NUBPL: variants seen among roughly 807,000 people sequenced by gnomAD.
The protein encoded by NUBPL is iron-sulfur cluster transfer protein NUBPL.
A neutral mutation model predicts 45.7 loss-of-function variants in NUBPL; 31 were observed. That is an observed-to-expected ratio of 0.68 (90% CI 0.51 to 0.92). NUBPL has a LOEUF of 0.92. Among genes scored for constraint, NUBPL ranks in the 40% least tolerant of loss-of-function variants. The pLI is 0.00. For synonymous variants in NUBPL, 144 were observed against 140.9 expected (o/e 1.02, Z -0.15); for missense variants, 401 against 398.7 (o/e 1.01, Z -0.05).
intron 6 of NUBPL, among the ~76,000 whole-genome samples, chr14:31,763,104 G>A (rs1031001052): frequency 2.0e-5 from 3 of 152,174 alleles, no homozygotes; most frequent in Non-Finnish European, 4.4e-5. Context: ...AGGATGATGG[G>A]AGTGGAAGAG....
chr14:31,759,069 T>TA (rs145974384), intron 6 of NUBPL, among the ~76,000 whole-genome samples: 9,626 of 150,998 alleles, frequency 0.064, 417 homozygotes, highest in Non-Finnish European at 0.092. Flanking sequence ...CTATCGACTT[T>TA]AAAAAAAACA....
intron 6 of NUBPL, among the ~76,000 whole-genome samples, chr14:31,683,445 G>T (rs545392689): frequency 7.7e-6 from 1 of 130,456 alleles, no homozygotes; most frequent in Admixed American, 9.4e-5. Context: ...TGCAACTTCC[G>T]CCTCCTTGGT....
At chr14:31,752,057 T>C (rs770920463) in intron 6 of NUBPL, among the ~76,000 whole-genome samples, 32 of 152,234 alleles carry the variant, frequency 2.1e-4, no homozygotes, top group Non-Finnish European at 4.3e-4. Flanking sequence ...CACAAAACCA[T>C]TTTTCCTTCC....
chr14:31,806,392 A>G (rs1281815161), intron 7 of NUBPL, among the ~76,000 whole-genome samples: 1 of 152,098 alleles, frequency 6.6e-6, no homozygotes, highest in Non-Finnish European at 1.5e-5. Context: ...GTCATGAGCA[A>G]GCTGAGCTAT....
intron 6 of NUBPL, among the ~76,000 whole-genome samples, chr14:31,735,850 T>TCAAAAAAAAAAAAAAA (rs1166189612): frequency 4.6e-5 from 7 of 152,266 alleles, no homozygotes; most frequent in African/African-American, 1.7e-4. Flanking sequence ...AGACTCTGTC[T>TCAAAAAAAAAAAAAAA]TAAAAAAAAT....
chr14:31,728,330 A>G lies in NUBPL; in HGVS notation c.513+54756A>G, dbSNP rs559773243. 1.6e-4 allele frequency among the ~76,000 whole-genome samples: 24 copies of G among 152,024 alleles called. 1 individual carries two copies. In the East Asian group the frequency reaches 4.6e-3, roughly 29 times the overall value. Reference sequence around the variant, plus strand: ...TTTATTTATTATTATTATTATTGTTAAAATAGAGACAAGATCTCGCTACAT... The same window carrying G: ...TTTATTTATTATTATTATTATTGTTGAAATAGAGACAAGATCTCGCTACAT... On this transcript the variant is annotated intron_variant, in intron 6 of 10. Transcript: ENST00000281081.
At chr14:31,641,417 T>G (rs1048934849) in intron 4 of NUBPL, among the ~76,000 whole-genome samples, 2 of 152,186 alleles carry the variant, frequency 1.3e-5, no homozygotes, top group African/African-American at 2.4e-5. Flanking sequence ...CATATGAGTC[T>G]GAACATGTGA....
chr14:31,741,273 C>T (rs2038278833), intron 6 of NUBPL, among the ~76,000 whole-genome samples: 2 of 152,104 alleles, frequency 1.3e-5, no homozygotes, highest in African/African-American at 2.4e-5. Context: ...ATTCTGTAGT[C>T]CTATGAGTAC....
chr14:31,786,270 G>A (rs1050407327), intron 6 of NUBPL, among the ~76,000 whole-genome samples: 3 of 152,214 alleles, frequency 2.0e-5, no homozygotes, highest in Middle Eastern at 3.4e-3. Flanking sequence ...TTCCACTTAG[G>A]TTTAAAAAAA....
At chr14:31,708,834 T>TG (rs2037509167) in intron 6 of NUBPL, among the ~76,000 whole-genome samples, 1 of 152,216 alleles carries the variant, frequency 6.6e-6, no homozygotes, top group Non-Finnish European at 1.5e-5. Flanking sequence ...CTTTGTTCTC[T>TG]GGGGCAGTGC....
intron 6 of NUBPL, among the ~76,000 whole-genome samples, chr14:31,734,587 T>A (rs11156704): frequency 0.3 from 44,945 of 152,010 alleles, 7,507 homozygotes; most frequent in South Asian, 0.41. Context: ...AGTTTCATAT[T>A]TCATAAATTT....
chr14:31,726,873 G>T (rs1487759366), intron 6 of NUBPL, among the ~76,000 whole-genome samples: 1 of 152,152 alleles, frequency 6.6e-6, no homozygotes, highest in Admixed American at 6.5e-5. Context: ...AGCTGATGAT[G>T]CTTTGTCTTG....
At position 31,846,595 on chromosome 14, in the gene NUBPL, A is replaced by G; in HGVS notation, c.814+4A>G. On this transcript the variant is annotated splice_donor_region_variant and intron_variant, in intron 9 of 10. Coordinates refer to ENST00000281081, the MANE Select transcript of NUBPL (RefSeq NM_025152.3). ...ACCCTTGGTCTTGAAGTTCTAGGTA[A>G]GACTGTGGGATGTTCTTTTGTAGAA... The G allele has an allele frequency of 6.2e-7, 1 of 1,613,480 alleles. No individual in the cohort carries two copies. Among genetic ancestry groups the G allele is most frequent in the Non-Finnish European group, 8.5e-7 (1 of 1,179,786 alleles).
At chr14:31,674,077 C>T (rs2036636614) in intron 6 of NUBPL, among the ~76,000 whole-genome samples, 3 of 152,088 alleles carry the variant, frequency 2.0e-5, no homozygotes, top group Admixed American at 2.0e-4. Flanking sequence ...TTAATTTAGC[C>T]TTAAGAAAAG....
chr14:31,793,834 T>TTTTA (rs1566565035), intron 7 of NUBPL, among the ~76,000 whole-genome samples: 3 of 129,424 alleles, frequency 2.3e-5, no homozygotes, highest in Non-Finnish European at 4.5e-5. Context: ...CTTTCTTTTT[T>TTTTA]TTTTTTATTT....
At chr14:31,773,052 A>G (rs920577756) in intron 6 of NUBPL, among the ~76,000 whole-genome samples, 3 of 152,166 alleles carry the variant, frequency 2.0e-5, no homozygotes, top group African/African-American at 7.2e-5. Flanking sequence ...TGTTTATTGT[A>G]TATTGTATCA....
At chr14:31,604,252 T>G (rs1238977846) in intron 4 of NUBPL, among the ~76,000 whole-genome samples, 1 of 151,780 alleles carries the variant, frequency 6.6e-6, no homozygotes, top group Non-Finnish European at 1.5e-5. Context: ...ACTGAATGAT[T>G]AAGGCGTTCA....
At chr14:31,773,953 A>G (rs2039054269) in intron 6 of NUBPL, among the ~76,000 whole-genome samples, 1 of 152,206 alleles carries the variant, frequency 6.6e-6, no homozygotes, top group African/African-American at 2.4e-5. Context: ...GCATATTCCA[A>G]CCACCATATG....
chr14:31,636,997 C>G (rs1246715648), intron 4 of NUBPL, among the ~76,000 whole-genome samples: 2 of 152,032 alleles, frequency 1.3e-5, no homozygotes, highest in Non-Finnish European at 2.9e-5. Context: ...CTGTATTAGT[C>G]TTGCTGGTGG....
Sources: gnomAD v4.1 joint callset for allele counts (sites outside exome capture counted in the v4.1 genomes callset) on GRCh38, gnomAD v4.1.1 for gene constraint, MANE v1.5 for transcripts, NCBI Gene and HGNC (gene_info 2026-07-23, HGNC 2026-07-21) for gene names.